The following FAM53B variants were observed in gnomAD, a reference collection of about 807,000 sequenced individuals.
FAM53B encodes protein FAM53B.
FAM53B carries 12 observed loss-of-function variants against 32.7 expected under a neutral mutation model. The observed-to-expected ratio is 0.37, with a 90% CI of 0.24 to 0.59. The LOEUF (loss-of-function observed/expected upper bound fraction) is 0.59, where lower values mean the gene tolerates loss of function less well. Among genes scored for constraint, FAM53B ranks in the 20% least tolerant of loss-of-function variants. The probability of loss-of-function intolerance (pLI) is 0.72; values close to 1 mark genes in which losing one functional copy is unlikely to be tolerated. For synonymous variants in FAM53B, 234 were observed against 228.7 expected, an observed-to-expected ratio of 1.02 and a Z score of -0.21; for missense variants, 477 against 577.7, an observed-to-expected ratio of 0.83 and a Z score of 1.79.
Position 124,689,214 on chromosome 10 carries a change from G to A in FAM53B, c.134-6835C>T, listed in dbSNP as rs549450427. Among the ~76,000 whole-genome samples, 8 of 152,282 alleles carry A rather than the reference G, an allele frequency of 5.3e-5. No individual in the cohort carries two copies. In the East Asian group the frequency reaches 1.2e-3, roughly 22 times the overall value. ...CATCAATGGGAAAATCAAGAGAGCC[G>A]AGGTGTCTTTCTGAAGGCGGTTTTG... On this transcript the variant is annotated intron_variant, in intron 3 of 4. Coordinates refer to ENST00000337318, the MANE Select transcript of FAM53B (RefSeq NM_014661.4).
intron 1 of FAM53B, among the ~76,000 whole-genome samples, chr10:124,709,264 G>T (rs577754504): frequency 1.3e-5 from 2 of 152,242 alleles, no homozygotes; most frequent in Non-Finnish European, 2.9e-5. Context: ...TGAAACTGTG[G>T]AAGTCTGTCG....
intron 1 of FAM53B, among the ~76,000 whole-genome samples, chr10:124,719,955 G>A (rs1950059175): frequency 1.3e-5 from 2 of 152,292 alleles, no homozygotes; most frequent in African/African-American, 4.8e-5. Context: ...CTGAGGTAAG[G>A]AGTTCGAGAC....
At position 124,682,327 on chromosome 10, in the gene FAM53B, T is replaced by C. The variant is rs776051230; in HGVS notation, c.186A>G (p.Gln62=). The C allele has an allele frequency of 3.3e-5, 54 of 1,613,436 alleles. No homozygotes were observed. The highest frequency in any genetic ancestry group is 4.3e-5 in the Non-Finnish European group (51 of 1,179,910). The change falls in exon 4 of 5, where the codon CAA becomes CAG. Residue 62 remains glutamine (Q), a synonymous_variant. Transcript: ENST00000337318. This position sits in a 1 kb window ranked among gnomAD's most constrained non-coding sequence, Gnocchi z 5.2. Reference sequence around the variant, plus strand: ...GGCATTCCCAGATGCTGGTGCTCGGTTGGTCAATCTGAAGAGGGCATTTCC... The same window carrying C: ...GGCATTCCCAGATGCTGGTGCTCGGCTGGTCAATCTGAAGAGGGCATTTCC... ...LDRKCPLQID[Q]PSTSIWECLP... is the part of the protein sequence containing the mutation.
At chr10:124,690,249 G>T (rs1481725296) in intron 3 of FAM53B, among the ~76,000 whole-genome samples, 2 of 152,256 alleles carry the variant, frequency 1.3e-5, no homozygotes, top group African/African-American at 4.8e-5. Flanking sequence ...GAGCATGAAT[G>T]TGCATCCCAA....
chr10:124,724,783 A>G (rs999833355), intron 1 of FAM53B, among the ~76,000 whole-genome samples: 1 of 152,158 alleles, frequency 6.6e-6, no homozygotes, highest in African/African-American at 2.4e-5. Context: ...TCCCTTGGGG[A>G]ATGGGAGTGG....
intron 4 of FAM53B, among the ~76,000 whole-genome samples, chr10:124,625,756 A>AG (rs1949343973): frequency 6.6e-6 from 1 of 152,206 alleles, no homozygotes; most frequent in Non-Finnish European, 1.5e-5. Context: ...AGAACTGAGT[A>AG]GGGGGCACAA....
At position 124,706,680 on chromosome 10, in the gene FAM53B, G is replaced by C; in HGVS notation, c.34C>G (p.Arg12Gly). Residue 12 changes from arginine to glycine, a missense_variant, in exon 2 of 5, where the codon CGG becomes GGG. Transcript: ENST00000337318. ...VMVLSESLST[R>G]GADSIACGTF... is the part of the protein sequence containing the mutation. Reference sequence around the variant, plus strand: ...CCACATGCAATGGAGTCAGCTCCCCGGGTGCTGAGGCTTTCACTTAGGACC... The same window carrying C: ...CCACATGCAATGGAGTCAGCTCCCCCGGTGCTGAGGCTTTCACTTAGGACC... 3.7e-6 allele frequency: 6 copies of C among 1,614,174 alleles called. No individual in the cohort carries two copies. The highest frequency in any genetic ancestry group is 5.1e-6 in the Non-Finnish European group (6 of 1,180,020).
chr10:124,683,551 C>G (rs1385922300), intron 3 of FAM53B, among the ~76,000 whole-genome samples: 1 of 152,180 alleles, frequency 6.6e-6, no homozygotes, highest in South Asian at 2.1e-4. Flanking sequence ...GCTGTGTAAT[C>G]CACACAGCCC....
At chr10:124,671,389 T>C (rs986082595) in intron 4 of FAM53B, among the ~76,000 whole-genome samples, 4 of 152,240 alleles carry the variant, frequency 2.6e-5, no homozygotes, top group African/African-American at 9.6e-5. Context: ...CAGCTTCCTG[T>C]AGCTGCTTCT....
intron 4 of FAM53B, among the ~76,000 whole-genome samples, chr10:124,645,196 G>C (rs1279225627): frequency 2.6e-5 from 4 of 152,254 alleles, no homozygotes; most frequent in Non-Finnish European, 5.9e-5. Flanking sequence ...CTCAGGTGCA[G>C]AGTGGGCCCT....
chr10:124,626,351 T>C (rs1949352515), intron 4 of FAM53B, among the ~76,000 whole-genome samples: 1 of 148,160 alleles, frequency 6.7e-6, no homozygotes, highest in South Asian at 2.1e-4. Context: ...ATTGTGTGGG[T>C]CTCGGCACTA....
chr10:124,676,114 C>T (rs1391520125), intron 4 of FAM53B, among the ~76,000 whole-genome samples: 2 of 152,248 alleles, frequency 1.3e-5, no homozygotes, highest in Admixed American at 6.5e-5. Flanking sequence ...GGCTCTCTTC[C>T]TTTGTTCAAG....
intron 1 of FAM53B, among the ~76,000 whole-genome samples, chr10:124,725,607 T>C (rs916726662): frequency 1.3e-5 from 2 of 152,168 alleles, no homozygotes; most frequent in Non-Finnish European, 2.9e-5. Context: ...AATCAACCTA[T>C]CTGGGAAACC....
At position 124,663,995 on chromosome 10, in the gene FAM53B, A is replaced by C. The variant is rs60629110; in HGVS notation, c.906+17612T>G. Among the ~76,000 whole-genome samples the C allele has an allele frequency of 3.4e-4, 51 of 152,186 alleles. No individual in the cohort carries two copies. The East Asian group carries it at 9.1e-3, about 27-fold the overall frequency. ...AACACTGCAAGGTTTAAGTGAGCTA[A>C]CACCGTGCCAGGCCCTGCGGTCAGT... is the stretch of plus-strand genomic sequence containing the variant. On this transcript the variant is annotated intron_variant, in intron 4 of 4. Coordinates refer to ENST00000337318, the MANE Select transcript of FAM53B (RefSeq NM_014661.4).
chr10:124,731,757 A>G (rs1950144663), intron 1 of FAM53B, among the ~76,000 whole-genome samples: 1 of 152,092 alleles, frequency 6.6e-6, no homozygotes, highest in African/African-American at 2.4e-5. Flanking sequence ...AGACTGCCAC[A>G]TGAAGTTTTG....
intron 4 of FAM53B, chr10:124,624,226 ACC>A (rs1177191381): frequency 6.6e-6 from 1 of 152,232 alleles, no homozygotes; most frequent in Non-Finnish European, 1.5e-5. Context: ...CGCCCGCTCT[ACC>A]CACTCTCCAC....
intron 3 of FAM53B, among the ~76,000 whole-genome samples, chr10:124,693,650 A>T (rs1302747308): frequency 6.6e-6 from 1 of 152,116 alleles, no homozygotes; most frequent in African/African-American, 2.4e-5. Context: ...AGCGCAGGAA[A>T]GGGATAGAGG....
At chr10:124,633,505 G>A (rs1400477609) in intron 4 of FAM53B, among the ~76,000 whole-genome samples, 4 of 152,114 alleles carry the variant, frequency 2.6e-5, no homozygotes, top group Admixed American at 2.0e-4. Context: ...AGAACAGTGG[G>A]GAAGCTAACC....
At chr10:124,626,105 C>T (rs894035443) in intron 4 of FAM53B, among the ~76,000 whole-genome samples, 14 of 152,264 alleles carry the variant, frequency 9.2e-5, no homozygotes, top group African/African-American at 2.9e-4. Flanking sequence ...GCCTGACGCC[C>T]GAACGCGTGC....
Sources: allele counts gnomAD v4.1 joint callset (sites outside exome capture counted in the v4.1 genomes callset), GRCh38; gene constraint gnomAD v4.1.1; non-coding constraint Gnocchi (gnomAD v3.1); transcripts MANE v1.5; gene names NCBI Gene and HGNC (gene_info 2026-07-23, HGNC 2026-07-21).